Variants in SH2D7 observed in about 807,000 individuals in gnomAD.
The protein encoded by SH2D7 is SH2 domain-containing protein 7.
Under a neutral mutation model 40.8 loss-of-function variants are expected in SH2D7, and 32 were observed. That is an observed-to-expected ratio of 0.78 (90% confidence interval 0.59 to 1.05). The LOEUF (loss-of-function observed/expected upper bound fraction) is 1.05. SH2D7 is among the 50% of genes least tolerant of loss of function. SH2D7 has a pLI of 0.00. For missense variants in SH2D7, 559 were observed against 566.6 expected (o/e 0.99, Z 0.14); for synonymous variants, 195 against 221.5 (o/e 0.88, Z 1.06).
At chr15:78,092,341 G>C (rs2073944454), upstream of SH2D7, among the ~76,000 whole-genome samples, 2 of 152,292 alleles carry the variant, frequency 1.3e-5, 1 homozygote, top group Admixed American at 1.3e-4. Context: ...AAGCCACGGA[G>C]GGCCTTCCCT....
Position 78,092,581 on chromosome 15 carries a change from C to T in SH2D7, c.-4C>T, listed in dbSNP as rs1254126828. ...GCTCTGCTTCCACTCTGGTGCCTGC[C>T]AGCATGGAGGACAGCCTAAAGCAGC... On this transcript the variant is annotated 5_prime_UTR_variant, in exon 1 of 6. Transcript: ENST00000328828. 2 of 1,545,600 alleles carry T rather than the reference C, an allele frequency of 1.3e-6. No individual in the cohort carries two copies. Among genetic ancestry groups the T allele is most frequent in the East Asian group, 2.5e-5 (1 of 40,756 alleles).
At chr15:78,095,991 C>T (rs1054042218) in intron 2 of SH2D7, among the ~76,000 whole-genome samples, 3 of 152,028 alleles carry the variant, frequency 2.0e-5, no homozygotes, top group Non-Finnish European at 2.9e-5. Flanking sequence ...TACAGGCACA[C>T]GCCACCACAC....
In SH2D7 at chr15:78,101,096, A is replaced by G; in HGVS notation, c.843A>G (p.Gln281=). Residue 281 remains glutamine, a synonymous_variant, in exon 5 of 6, where the codon CAA becomes CAG. Transcript: ENST00000328828. ...SQAYSPGREA[Q]RRLSDGEQNR... ...CCTACTCCCCAGGCAGGGAGGCCCA[A>G]AGGAGACTCTCAGATGGAGAACAGA... is the stretch of plus-strand genomic sequence containing the variant. The G allele has an allele frequency of 6.3e-7, 1 of 1,581,912 alleles. No individual in the cohort carries two copies. Among genetic ancestry groups the G allele is most frequent in the South Asian group, 1.2e-5 (1 of 85,306 alleles).
chr15:78,103,516 G>A lies in SH2D7; in HGVS notation c.*1G>A. 1 of 1,563,518 alleles carries A rather than the reference G, an allele frequency of 6.4e-7. No individual in the cohort carries two copies. The highest frequency in any genetic ancestry group is 8.7e-7 in the Non-Finnish European group (1 of 1,153,104). ...CACGTACAGGAAGCACAAATTCTGAGGGCCTGGCATCCGGCAGCCCACCAG... is the reference window on the plus strand; with the variant it reads ...CACGTACAGGAAGCACAAATTCTGAAGGCCTGGCATCCGGCAGCCCACCAG... On this transcript the variant is annotated 3_prime_UTR_variant, in exon 6 of 6. Coordinates refer to ENST00000328828, the MANE Select transcript of SH2D7 (RefSeq NM_001101404.2).
chr15:78,092,636 G>C lies in SH2D7; in HGVS notation c.52G>C (p.Gly18Arg), dbSNP rs1255672890. 5.8e-6 allele frequency: 9 copies of C among 1,559,170 alleles called. No individual in the cohort carries two copies. The East Asian group carries it at 1.9e-4, about 33-fold the overall frequency. The change falls in exon 1 of 6, where the codon GGG (glycine) becomes CGG (arginine). Residue 18 changes from glycine (G) to arginine (R), a missense_variant. Gly to Arg is a moderately radical substitution (Grantham distance 125). Transcript: ENST00000328828. The stretch of plus-strand genomic sequence containing the variant: ...CCTGGGGAGAGATCCTGAGGGGGCA[G>C]GGGACAGCCAGGCCCTGGCTGAGCT... ...LSLGRDPEGA[G>R]DSQALAELQE...
At chr15:78,102,764 G>T (rs2074025736) in intron 5 of SH2D7, among the ~76,000 whole-genome samples, 1 of 152,032 alleles carries the variant, frequency 6.6e-6, no homozygotes, top group African/African-American at 2.4e-5. Flanking sequence ...GGTTCTCAGG[G>T]AGGCAGATGA....
chr15:78,092,964 G>A (rs539299465), intron 1 of SH2D7, among the ~76,000 whole-genome samples: 3 of 141,242 alleles, frequency 2.1e-5, no homozygotes, highest in East Asian at 3.9e-4. Flanking sequence ...GGAGGGCAAC[G>A]GCCTCTACTT....
chr15:78,092,540 CA>C (rs749909989), upstream of SH2D7: 232 of 1,524,962 alleles, frequency 1.5e-4, no homozygotes, highest in Admixed American at 5.6e-4. Context: ...GATATAGAGG[CA>C]TGTGCACTGG....
At chr15:78,095,547 G>C (rs1046652152) in intron 2 of SH2D7, among the ~76,000 whole-genome samples, 1 of 152,210 alleles carries the variant, frequency 6.6e-6, no homozygotes, top group Non-Finnish European at 1.5e-5. Context: ...TGGGGGAAAG[G>C]CTTGTTTTTT....
chr15:78,100,858 T>G (rs772153354), intron 4 of SH2D7, 41 bp from the exon 5 acceptor site: 2 of 1,592,396 alleles, frequency 1.3e-6, no homozygotes, highest in South Asian at 2.3e-5. Flanking sequence ...ATCTTAGTGA[T>G]GGGCTGCCCC....
chr15:78,096,857 G>A (rs531777363), intron 2 of SH2D7, among the ~76,000 whole-genome samples: 1 of 152,180 alleles, frequency 6.6e-6, no homozygotes, highest in African/African-American at 2.4e-5. Flanking sequence ...AAACACGGGT[G>A]TACCCTTGAC....
At chr15:78,090,655 A>ATCATCG (rs1173087652), upstream of SH2D7, among the ~76,000 whole-genome samples, 1 of 151,926 alleles carries the variant, frequency 6.6e-6, no homozygotes, top group Non-Finnish European at 1.5e-5. Context: ...CATCATCATC[A>ATCATCG]TCATCATCAA....
Position 78,101,324 on chromosome 15 carries a change from A to C in SH2D7, c.1071A>C (p.Glu357Asp). 6.2e-7 allele frequency: 1 copy of C among 1,613,216 alleles called. No individual in the cohort carries two copies. Among genetic ancestry groups the C allele is most frequent in the South Asian group, 1.1e-5 (1 of 91,024 alleles). ...SADIYEFIGT[E>D]GLLQEARDTP... Reference sequence around the variant, plus strand: ...ATATCTATGAGTTCATCGGGACAGAAGGCCTCCTGCAAGAGGCCAGGGACA... The same window carrying C: ...ATATCTATGAGTTCATCGGGACAGACGGCCTCCTGCAAGAGGCCAGGGACA... Residue 357 changes from glutamate to aspartate, a missense_variant, in exon 5 of 6, where the codon GAA (glutamate) becomes GAC (aspartate). By Grantham distance (45) the Glu-to-Asp change is conservative (BLOSUM62 2). Transcript: ENST00000328828.
At chr15:78,092,098 A>G (rs2073943486), upstream of SH2D7, among the ~76,000 whole-genome samples, 2 of 152,280 alleles carry the variant, frequency 1.3e-5, no homozygotes, top group South Asian at 4.1e-4. Context: ...CATGGCACAC[A>G]GTAAGGACTC....
At position 78,101,473 on chromosome 15, in the gene SH2D7, C is replaced by T. The variant is rs1271721566; in HGVS notation, c.1220C>T (p.Ser407Leu). The change falls in exon 5 of 6, where the codon TCA (serine) becomes TTA (leucine). Residue 407 changes from serine to leucine, a missense_variant. Physicochemically the swap from Ser to Leu is moderately radical, Grantham distance 145 (BLOSUM62 -2). Coordinates refer to ENST00000328828, the MANE Select transcript of SH2D7 (RefSeq NM_001101404.2). ...SPWVHGYKRI[S>L]GTPELSEPGN... is the part of the protein sequence containing the mutation. The stretch of plus-strand genomic sequence containing the variant: ...TGGGTCCATGGCTACAAGAGGATCT[C>T]AGGGACCCCAGAGCTCTCAGAGCCT... 3.7e-6 allele frequency: 6 copies of T among 1,613,412 alleles called. No homozygotes were observed.
intron 2 of SH2D7, among the ~76,000 whole-genome samples, chr15:78,097,402 G>C (rs1463835423): frequency 6.6e-6 from 1 of 152,140 alleles, no homozygotes; most frequent in Admixed American, 6.5e-5. Flanking sequence ...AGGATTTTAG[G>C]GTGGGACTTT....
chr15:78,100,782 C>T (rs564744498), intron 4 of SH2D7, 117 bp from the exon 5 acceptor site: 82 of 1,097,322 alleles, frequency 7.5e-5, no homozygotes, highest in African/African-American at 3.6e-4. Flanking sequence ...CTTGCATGTA[C>T]GGGCAGGAGG....
intron 4 of SH2D7, among the ~76,000 whole-genome samples, 194 bp downstream of exon 4, chr15:78,098,790 A>G (rs1258697159): frequency 6.6e-6 from 1 of 152,160 alleles, no homozygotes. Flanking sequence ...GGCCAGTTAG[A>G]TTTGGTTCAA....
chr15:78,101,647 G>T (rs1390813563), intron 5 of SH2D7, 89 bp downstream of exon 5: 3 of 1,413,980 alleles, frequency 2.1e-6, no homozygotes, highest in East Asian at 2.4e-5. Context: ...GCATAGGCAG[G>T]TCAGGTCACC....
Sources: allele counts gnomAD v4.1 joint callset (sites outside exome capture counted in the v4.1 genomes callset), GRCh38; gene constraint gnomAD v4.1.1; transcripts MANE v1.5; gene names NCBI Gene and HGNC (gene_info 2026-07-23, HGNC 2026-07-21).